The following ITSN1 variants were observed in gnomAD, a reference collection of about 807,000 sequenced individuals.
The protein encoded by ITSN1 is intersectin-1.
In ITSN1, 58 loss-of-function variants were observed where a neutral mutation model predicts 239.8. The ratio of observed to expected loss-of-function variants is 0.24; its 90% CI spans 0.20 to 0.30. The LOEUF (loss-of-function observed/expected upper bound fraction) is 0.30, where lower values mean the gene tolerates loss of function less well. Ranked by LOEUF, ITSN1 falls within the 10% of genes least tolerant of loss-of-function variation. The pLI is 1.00. For missense variants in ITSN1, 1,558 were observed against 2,103.3 expected (o/e 0.74, Z 5.07); for synonymous variants, 780 against 770.8 (o/e 1.01, Z -0.20).
intron 1 of ITSN1, among the ~76,000 whole-genome samples, chr21:33,689,045 TC>T (rs571776482): frequency 1.6e-3 from 249 of 152,222 alleles, no homozygotes; most frequent in African/African-American, 5.7e-3. Context: ...ACACCTGACC[TC>T]AGGTGATCCA....
At chr21:33,647,692 C>T (rs139906220) in intron 1 of ITSN1, among the ~76,000 whole-genome samples, 2,797 of 152,106 alleles carry the variant, frequency 0.018, 93 homozygotes, top group African/African-American at 0.064. Flanking sequence ...GATGGGGTTT[C>T]GTCATGTTGG....
chr21:33,866,763 G>C (rs1277537995), intron 32 of ITSN1, among the ~76,000 whole-genome samples: 8 of 152,184 alleles, frequency 5.3e-5, no homozygotes, highest in Admixed American at 5.2e-4. Flanking sequence ...GCCCTGCCTG[G>C]AGTTCCCAGA....
intron 1 of ITSN1, among the ~76,000 whole-genome samples, chr21:33,646,996 G>GA (rs550295581): frequency 8.3e-5 from 12 of 145,446 alleles, no homozygotes; most frequent in Admixed American, 1.4e-4. Context: ...AAAAAAAAAA[G>GA]AAAAAAAAAA....
intron 28 of ITSN1, among the ~76,000 whole-genome samples, chr21:33,834,943 G>A (rs192102623): frequency 2.2e-4 from 33 of 152,274 alleles, no homozygotes; most frequent in African/African-American, 7.5e-4. Flanking sequence ...CTTTCCTGGA[G>A]GACTGGAAAA....
At chr21:33,729,331 T>C (rs1266584845) in intron 4 of ITSN1, among the ~76,000 whole-genome samples, 1 of 151,954 alleles carries the variant, frequency 6.6e-6, no homozygotes, top group Non-Finnish European at 1.5e-5. Flanking sequence ...ATGCCTGTAG[T>C]CTCAGCTACT....
chr21:33,727,169 AT>A, intron 4 of ITSN1, among the ~76,000 whole-genome samples: 1 of 152,196 alleles, frequency 6.6e-6, no homozygotes, highest in South Asian at 2.1e-4. Context: ...CTTCCTAGAA[AT>A]TGTCTTATTA....
Position 33,735,154 on chromosome 21 carries a change from C to A in ITSN1, c.296C>A (p.Pro99His), listed in dbSNP as rs1372506949. The A allele has an allele frequency of 6.2e-7, 1 of 1,613,728 alleles. No homozygotes were observed. The highest frequency in any genetic ancestry group is 1.3e-5 in the African/African-American group (1 of 74,874). Reference protein sequence around the residue: ...LQGYQLPSALPPVMKQQPVAI... With the variant: ...LQGYQLPSALHPVMKQQPVAI... ...GGATATCAGCTACCCTCTGCACTTC[C>A]CCCTGTCATGAAACAGCAACCAGTT... Residue 99 changes from proline to histidine, a missense_variant, in exon 5 of 40, where the codon CCC (proline) becomes CAC (histidine). Physicochemically the swap from Pro to His is moderately conservative, Grantham distance 77 (BLOSUM62 -2). Around this residue, in one of 2 missense-constraint regions of ITSN1, gnomAD observed 982 missense variants for 1,209.9 expected, o/e 0.81. Coordinates refer to ENST00000381318, the MANE Select transcript of ITSN1 (RefSeq NM_003024.3).
chr21:33,830,166 G>A (rs776915768), intron 27 of ITSN1, among the ~76,000 whole-genome samples: 3 of 152,146 alleles, frequency 2.0e-5, no homozygotes, highest in Admixed American at 1.3e-4. Flanking sequence ...GTGTGTGTGC[G>A]CGCACGTGTG....
chr21:33,705,221 A>T (rs1243887794), intron 1 of ITSN1, among the ~76,000 whole-genome samples: 1 of 152,128 alleles, frequency 6.6e-6, no homozygotes, highest in Non-Finnish European at 1.5e-5. Context: ...ACCTGGAAAT[A>T]AAAATAAAAA....
chr21:33,843,038 C>CCT (rs1335848724), intron 29 of ITSN1, among the ~76,000 whole-genome samples: 1 of 152,036 alleles, frequency 6.6e-6, no homozygotes, highest in East Asian at 1.9e-4. Flanking sequence ...TGCGGTGGAG[C>CCT]GCAGGATGTT....
intron 1 of ITSN1, among the ~76,000 whole-genome samples, chr21:33,709,838 A>T (rs868043116): frequency 4.7e-4 from 71 of 152,088 alleles, no homozygotes; most frequent in African/African-American, 1.6e-3. Context: ...TTTACTTTCC[A>T]ATCTTCATGC....
intron 8 of ITSN1, among the ~76,000 whole-genome samples, chr21:33,759,584 G>A (rs1006168107): frequency 1.3e-5 from 2 of 152,108 alleles, no homozygotes; most frequent in Admixed American, 1.3e-4. Context: ...ACAGACTAAA[G>A]AAAGTGATGC....
intron 1 of ITSN1, among the ~76,000 whole-genome samples, chr21:33,669,139 A>G (rs955165947): frequency 1.2e-4 from 18 of 151,242 alleles, no homozygotes; most frequent in Admixed American, 5.9e-4. Context: ...CTGGAGTGCA[A>G]TGGTGCGATC....
chr21:33,837,118 C>T (rs1024593451), intron 29 of ITSN1: 6 of 1,508,916 alleles, frequency 4.0e-6, no homozygotes, highest in Non-Finnish European at 4.4e-6. Flanking sequence ...TCACCTACTG[C>T]CTTCTGAGTA....
At chr21:33,767,676 T>C in intron 10 of ITSN1, 37 bp from the exon 11 acceptor site, 1 of 1,223,336 alleles carries the variant, frequency 8.2e-7, no homozygotes, top group Non-Finnish European at 1.2e-6. Context: ...CAGACAGCTC[T>C]GTGTGAATCT....
At chr21:33,820,136 TAA>T (rs879562955) in intron 24 of ITSN1, among the ~76,000 whole-genome samples, 3 of 146,178 alleles carry the variant, frequency 2.1e-5, no homozygotes, top group African/African-American at 7.5e-5. Context: ...AATTTAGGAC[TAA>T]AAAAAAAAAA....
At chr21:33,661,231 C>T (rs1037421852) in intron 1 of ITSN1, among the ~76,000 whole-genome samples, 6 of 115,376 alleles carry the variant, frequency 5.2e-5, no homozygotes, top group African/African-American at 1.4e-4. Flanking sequence ...AAATAAAAAT[C>T]GAGTTCCTGT....
chr21:33,799,432 C>G (rs1314371036), intron 18 of ITSN1, among the ~76,000 whole-genome samples: 1 of 152,184 alleles, frequency 6.6e-6, no homozygotes, highest in Non-Finnish European at 1.5e-5. Flanking sequence ...GGGTCATATC[C>G]TAACTGCTAC....
At chr21:33,821,170 G>A (rs1246349688) in intron 24 of ITSN1, among the ~76,000 whole-genome samples, 1 of 152,216 alleles carries the variant, frequency 6.6e-6, no homozygotes, top group Non-Finnish European at 1.5e-5. Context: ...ATGGAGGAGT[G>A]TTTGTTTGTT....
Sources: gnomAD v4.1 joint callset for allele counts (sites outside exome capture counted in the v4.1 genomes callset) on GRCh38, gnomAD v4.1.1 for gene constraint, gnomAD v4.1.1 regional missense constraint, MANE v1.5 for transcripts, NCBI Gene and HGNC (gene_info 2026-07-23, HGNC 2026-07-21) for gene names.